The following KIF26B variants were observed in gnomAD, a reference collection of about 807,000 sequenced individuals.
The protein encoded by KIF26B is kinesin family member 26B.
In KIF26B, 63 loss-of-function variants were observed where a neutral mutation model predicts 151.2. That is an observed-to-expected ratio of 0.42 (90% CI 0.34 to 0.51). The LOEUF is 0.51. Among genes scored for constraint, KIF26B ranks in the 20% least tolerant of loss-of-function variants. The pLI is 0.07. For missense variants in KIF26B, 2,813 were observed against 2,913.6 expected, an observed-to-expected ratio of 0.97 and a Z score of 0.79; for synonymous variants, 1,357 against 1,262.1, an observed-to-expected ratio of 1.08 and a Z score of -1.59.
rs560705290 is a variant in KIF26B at position 245,458,218 on chromosome 1, T to C, written c.1166+38473T>C. ...GGAGCCCACTCAAACCCCTCGGCAGTGTCGTTCTCAAGCCCTCTCTCTTAA... is the reference window on the plus strand; with the variant it reads ...GGAGCCCACTCAAACCCCTCGGCAGCGTCGTTCTCAAGCCCTCTCTCTTAA... On this transcript the variant is annotated intron_variant, in intron 4 of 14. Coordinates refer to ENST00000407071, the MANE Select transcript of KIF26B (RefSeq NM_018012.4). 7.9e-5 allele frequency among the ~76,000 whole-genome samples: 12 copies of C among 152,288 alleles called. No individual in the cohort carries two copies. In the East Asian group the frequency reaches 1.5e-3, roughly 20 times the overall value.
At position 245,688,175 on chromosome 1, in the gene KIF26B, A is replaced by G. The variant is rs372541084; in HGVS notation, c.5192A>G (p.Lys1731Arg). 101 of 1,597,626 alleles carry G rather than the reference A, an allele frequency of 6.3e-5. No homozygotes were observed. In the East Asian group the frequency reaches 2.1e-3, roughly 34 times the overall value. ...GCCTCGCCCAAGGCCGGCCAGTCCA[A>G]GATCTCCGCCGTGAGCAGACTCCTC... ...SGASPKAGQSKISAVSRLLLA... is the reference protein window; with the variant it reads ...SGASPKAGQSRISAVSRLLLA... Residue 1731 changes from lysine (K) to arginine (R), a missense_variant, in exon 12 of 15, where the codon AAG becomes AGG. Around this residue, in one of 3 missense-constraint regions of KIF26B, gnomAD observed 2,060 missense variants for 2,088.6 expected, o/e 0.99. Transcript: ENST00000407071.
chr1:245,333,603 TTA>T (rs1409681359), intron 2 of KIF26B, among the ~76,000 whole-genome samples: 3 of 152,190 alleles, frequency 2.0e-5, no homozygotes, highest in African/African-American at 7.2e-5. Flanking sequence ...AATGGTAAAT[TTA>T]TGTTACATTT....
chr1:245,400,003 A>G (rs549275330), intron 3 of KIF26B, among the ~76,000 whole-genome samples: 4 of 152,208 alleles, frequency 2.6e-5, no homozygotes, highest in Admixed American at 6.5e-5. Flanking sequence ...AATAACCTTT[A>G]TAGATATTTC....
At chr1:245,604,104 A>C (rs773991865) in intron 6 of KIF26B, among the ~76,000 whole-genome samples, 4 of 152,196 alleles carry the variant, frequency 2.6e-5, no homozygotes, top group Non-Finnish European at 5.9e-5. Flanking sequence ...AGACGTGTAG[A>C]ACTGATTGCA....
In KIF26B at chr1:245,438,936, T is replaced by C. The variant is rs1011291217; in HGVS notation, c.1166+19191T>C. On this transcript the variant is annotated intron_variant, in intron 4 of 14. Transcript: ENST00000407071. ...CCGATTACAAAGGGCTGTGAGGAAA[T>C]GTTTGGGGGTAATGGATTTGCTTAT... is the stretch of plus-strand genomic sequence containing the variant. 4.6e-5 allele frequency among the ~76,000 whole-genome samples: 7 copies of C among 152,256 alleles called. No individual in the cohort carries two copies. The South Asian group carries it at 1.2e-3, about 27-fold the overall frequency.
Position 245,708,502 on chromosome 1 carries a change from T to A in KIF26B, c.*5896T>A, listed in dbSNP as rs1261831949. 1 of 152,152 alleles carries A rather than the reference T, an allele frequency of 6.6e-6. No homozygotes were observed. Among genetic ancestry groups the A allele is most frequent in the East Asian group, 1.9e-4 (1 of 5,194 alleles). The allele number at this position is 152,152 out of a possible 1,614,324, so 9.4% of individuals were successfully genotyped here. A position where few individuals can be genotyped will look rare whatever the true frequency, so the allele number is the denominator to read the frequency against. On this transcript the variant is annotated 3_prime_UTR_variant, in exon 15 of 15. Coordinates refer to ENST00000407071, the MANE Select transcript of KIF26B (RefSeq NM_018012.4). ...TACACGGATGTGTGTGTACAGGAGG[T>A]ACCTGACATGGTGAAAGGCCATAGG...
At chr1:245,534,550 A>G (rs1230885495) in intron 4 of KIF26B, among the ~76,000 whole-genome samples, 1 of 152,174 alleles carries the variant, frequency 6.6e-6, no homozygotes, top group Non-Finnish European at 1.5e-5. Flanking sequence ...AGATAATTAT[A>G]TGAAGCTAAT....
chr1:245,315,128 C>T (rs425241), intron 2 of KIF26B, among the ~76,000 whole-genome samples: 7 of 151,984 alleles, frequency 4.6e-5, no homozygotes, highest in African/African-American at 1.4e-4. Context: ...TGCGGTGAGC[C>T]GAGATTGTGC....
intron 2 of KIF26B, among the ~76,000 whole-genome samples, chr1:245,350,201 G>A (rs58165404): frequency 0.016 from 2,446 of 152,212 alleles, 34 homozygotes; most frequent in South Asian, 0.047. Context: ...ACAGGGCTGA[G>A]GACCTTCTGT....
intron 4 of KIF26B, among the ~76,000 whole-genome samples, chr1:245,446,522 G>A (rs942087946): frequency 6.6e-6 from 1 of 152,150 alleles, no homozygotes; most frequent in African/African-American, 2.4e-5. Context: ...AATAGGCTCA[G>A]GAAGGCATCG....
At chr1:245,309,179 C>G (rs1052203817) in intron 2 of KIF26B, among the ~76,000 whole-genome samples, 3 of 152,086 alleles carry the variant, frequency 2.0e-5, no homozygotes, top group African/African-American at 7.2e-5. Context: ...GCCTGGAATA[C>G]CAGGGATTAT....
At chr1:245,178,922 C>T (rs1668857455) in intron 2 of KIF26B, among the ~76,000 whole-genome samples, 1 of 151,902 alleles carries the variant, frequency 6.6e-6, no homozygotes, top group Non-Finnish European at 1.5e-5. Context: ...GGACTTGCCT[C>T]TGGGTAAATA....
intron 5 of KIF26B, among the ~76,000 whole-genome samples, chr1:245,565,540 C>T (rs141657713): frequency 3.3e-4 from 50 of 152,180 alleles, no homozygotes; most frequent in African/African-American, 1.2e-3. Flanking sequence ...GTTGCCCTCC[C>T]GGGCCTCCCA....
intron 3 of KIF26B, among the ~76,000 whole-genome samples, chr1:245,373,038 T>G (rs1166589924): frequency 6.6e-6 from 1 of 152,236 alleles, no homozygotes; most frequent in African/African-American, 2.4e-5. Flanking sequence ...ACCTTTTCAT[T>G]TACCAGAGGA....
At chr1:245,329,180 C>T (rs1315199373) in intron 2 of KIF26B, among the ~76,000 whole-genome samples, 1 of 152,184 alleles carries the variant, frequency 6.6e-6, no homozygotes, top group Non-Finnish European at 1.5e-5. Context: ...ACCCTAGTCC[C>T]TAGAGACTAT....
At chr1:245,670,906 A>G (rs2044279051) in intron 10 of KIF26B, among the ~76,000 whole-genome samples, 1 of 151,844 alleles carries the variant, frequency 6.6e-6, no homozygotes, top group Admixed American at 6.6e-5. Flanking sequence ...TTAAGTTGTT[A>G]TAGTCACCCT....
At chr1:245,401,831 T>C (rs1415182197) in intron 3 of KIF26B, among the ~76,000 whole-genome samples, 1 of 151,894 alleles carries the variant, frequency 6.6e-6, no homozygotes, top group Non-Finnish European at 1.5e-5. Context: ...GATAGAGCCA[T>C]TGCACTCCAG....
At chr1:245,457,896 T>C (rs779812263) in intron 4 of KIF26B, among the ~76,000 whole-genome samples, 3 of 152,230 alleles carry the variant, frequency 2.0e-5, no homozygotes, top group Non-Finnish European at 4.4e-5. Flanking sequence ...GATAAGTTTC[T>C]CTAGGGTGGA....
chr1:245,188,619 T>C (rs1390366450), intron 2 of KIF26B, among the ~76,000 whole-genome samples: 1 of 152,216 alleles, frequency 6.6e-6, no homozygotes, highest in Non-Finnish European at 1.5e-5. Flanking sequence ...CTGCTGAGAA[T>C]GTAAAATCAT....
Sources: allele counts gnomAD v4.1 joint callset (sites outside exome capture counted in the v4.1 genomes callset), GRCh38; gene constraint gnomAD v4.1.1; regional missense constraint gnomAD v4.1.1; transcripts MANE v1.5; gene names NCBI Gene and HGNC (gene_info 2026-07-23, HGNC 2026-07-21).